Variants in RBFOX1 observed in about 807,000 individuals in gnomAD.
The protein encoded by RBFOX1 is RNA binding protein fox-1 homolog 1.
RBFOX1 carries 8 observed loss-of-function variants against 57.7 expected under a neutral mutation model. That is an observed-to-expected ratio of 0.14 (90% CI 0.08 to 0.25). The LOEUF is 0.25. Among genes scored for constraint, RBFOX1 ranks in the 10% least tolerant of loss-of-function variants. RBFOX1 has a pLI of 1.00. For synonymous variants in RBFOX1, 326 were observed against 222.4 expected (o/e 1.47, Z -4.15); for missense variants, 611 against 548.5 (o/e 1.11, Z -1.14).
At chr16:6,068,088 T>C (rs751451227) in intron 1 of RBFOX1, among the ~76,000 whole-genome samples, 59 of 121,178 alleles carry the variant, frequency 4.9e-4, no homozygotes, top group Non-Finnish European at 9.9e-4. Context: ...GATATTAGGC[T>C]CTTCATTCAT....
chr16:6,221,449 A>C (rs879500284), intron 1 of RBFOX1, among the ~76,000 whole-genome samples: 2 of 152,240 alleles, frequency 1.3e-5, no homozygotes, highest in African/African-American at 4.8e-5. Context: ...CATGAGTAAA[A>C]GCACTCTGTT....
chr16:6,875,847 A>G (rs1271187862), intron 3 of RBFOX1, among the ~76,000 whole-genome samples: 2 of 152,050 alleles, frequency 1.3e-5, no homozygotes, highest in Non-Finnish European at 2.9e-5. Flanking sequence ...TCTACAAAAA[A>G]ATTAGCCAGT....
intron 2 of RBFOX1, among the ~76,000 whole-genome samples, chr16:6,649,735 T>C (rs910229572): frequency 6.6e-6 from 1 of 152,218 alleles, no homozygotes; most frequent in Non-Finnish European, 1.5e-5. Flanking sequence ...ATTATATATG[T>C]TGGGGAAGTA....
At chr16:5,385,901 G>C (rs957511178) in intron 1 of RBFOX1, among the ~76,000 whole-genome samples, 1 of 152,122 alleles carries the variant, frequency 6.6e-6, no homozygotes, top group South Asian at 2.1e-4. Flanking sequence ...AGAGACAAGT[G>C]GGGGCAGGAG....
chr16:7,178,780 G>A (rs2082144178), intron 4 of RBFOX1, among the ~76,000 whole-genome samples: 1 of 152,170 alleles, frequency 6.6e-6, no homozygotes. Flanking sequence ...CTGACCAAAT[G>A]TGCTTTGATC....
At chr16:7,420,819 T>C (rs950405177) in intron 4 of RBFOX1, among the ~76,000 whole-genome samples, 1 of 150,388 alleles carries the variant, frequency 6.6e-6, no homozygotes, top group Non-Finnish European at 1.5e-5. Context: ...TACTGAGTAC[T>C]TTAAAGAATT....
intron 3 of RBFOX1, chr16:6,773,989 C>G (rs2078903747): frequency 9.1e-6 from 9 of 985,302 alleles, no homozygotes; most frequent in Non-Finnish European, 8.4e-6. Flanking sequence ...TCAACTGAAC[C>G]TGTAATTAGC....
intron 1 of RBFOX1, among the ~76,000 whole-genome samples, chr16:5,444,960 C>T (rs1038232845): frequency 2.6e-5 from 4 of 152,166 alleles, no homozygotes; most frequent in Non-Finnish European, 5.9e-5. Flanking sequence ...AATGGCAAGA[C>T]ATGGTTAGCT....
At chr16:6,262,140 G>A (rs767645236) in intron 1 of RBFOX1, among the ~76,000 whole-genome samples, 12 of 152,094 alleles carry the variant, frequency 7.9e-5, no homozygotes, top group Non-Finnish European at 1.8e-4. Flanking sequence ...CTTCTATTGC[G>A]GTATTCCACC....
intron 3 of RBFOX1, among the ~76,000 whole-genome samples, chr16:5,671,597 T>C (rs1369772896): frequency 6.6e-6 from 1 of 152,184 alleles, no homozygotes; most frequent in Non-Finnish European, 1.5e-5. Flanking sequence ...TTAGTGGTAA[T>C]TATAATAGAC....
chr16:6,597,334 T>C (rs1051635256), intron 2 of RBFOX1, among the ~76,000 whole-genome samples: 1 of 152,064 alleles, frequency 6.6e-6, no homozygotes, highest in African/African-American at 2.4e-5. Context: ...CTGTCTCCAT[T>C]ATCCATCTGG....
intron 1 of RBFOX1, among the ~76,000 whole-genome samples, chr16:6,065,118 C>T (rs941721276): frequency 8.6e-5 from 13 of 151,840 alleles, no homozygotes; most frequent in African/African-American, 2.7e-4. Flanking sequence ...GCCTTGACCT[C>T]CCGGGCTCAA....
intron 3 of RBFOX1, among the ~76,000 whole-genome samples, chr16:5,864,697 T>G (rs756624998): frequency 3.3e-5 from 5 of 152,210 alleles, no homozygotes; most frequent in African/African-American, 9.6e-5. Flanking sequence ...TGGATCATAA[T>G]TGACTTGGCT....
At chr16:6,174,926 A>C (rs994555386) in intron 1 of RBFOX1, among the ~76,000 whole-genome samples, 5 of 152,212 alleles carry the variant, frequency 3.3e-5, no homozygotes, top group Non-Finnish European at 7.3e-5. Context: ...CTCTGGTGGC[A>C]GATGGCCAGA....
At chr16:5,499,755 T>G (rs887980424) in intron 2 of RBFOX1, among the ~76,000 whole-genome samples, 1 of 151,964 alleles carries the variant, frequency 6.6e-6, no homozygotes, top group Non-Finnish European at 1.5e-5. Flanking sequence ...GTATTGTTAG[T>G]AGAAAGGGGG....
At chr16:7,235,673 C>A (rs17561279) in intron 4 of RBFOX1, among the ~76,000 whole-genome samples, 1 of 152,032 alleles carries the variant, frequency 6.6e-6, no homozygotes, top group Non-Finnish European at 1.5e-5. Flanking sequence ...GCCATGACAT[C>A]AAGAATATCC....
At chr16:6,897,035 G>C (rs112457190) in intron 3 of RBFOX1, among the ~76,000 whole-genome samples, 3 of 152,150 alleles carry the variant, frequency 2.0e-5, no homozygotes, top group Admixed American at 6.5e-5. Context: ...CCTGTGCCCA[G>C]ACCTGAGCTC....
chr16:6,659,842 T>A (rs939657803), intron 3 of RBFOX1, among the ~76,000 whole-genome samples: 1 of 152,120 alleles, frequency 6.6e-6, no homozygotes, highest in South Asian at 2.1e-4. Context: ...GCACTGGAAC[T>A]GGAGTGCTGA....
intron 1 of RBFOX1, among the ~76,000 whole-genome samples, chr16:6,191,579 C>G (rs888091411): frequency 1.3e-5 from 2 of 151,924 alleles, no homozygotes; most frequent in Non-Finnish European, 2.9e-5. Context: ...AAGTTAGCAC[C>G]GTATAGAGAA....
Sources: gnomAD v4.1 joint callset for allele counts (sites outside exome capture counted in the v4.1 genomes callset) on GRCh38, gnomAD v4.1.1 for gene constraint, MANE v1.5 for transcripts, NCBI Gene and HGNC (gene_info 2026-07-23, HGNC 2026-07-21) for gene names.